SETDB2: variants seen among roughly 807,000 people sequenced by gnomAD.
The protein encoded by SETDB2 is histone-lysine N-methyltransferase SETDB2.
Under a neutral mutation model 82.5 loss-of-function variants are expected in SETDB2, and 56 were observed. The observed-to-expected ratio is 0.68, with a 90% CI of 0.55 to 0.85. SETDB2 has a LOEUF of 0.85. Ranked by LOEUF, SETDB2 falls within the 40% of genes least tolerant of loss-of-function variation. The probability of loss-of-function intolerance (pLI) is 0.00; values close to 1 mark genes in which losing one functional copy is unlikely to be tolerated. For missense variants in SETDB2, 677 were observed against 816.4 expected (o/e 0.83, Z 2.08); for synonymous variants, 272 against 284.9 (o/e 0.95, Z 0.46).
At chr13:49,478,782 G>A (rs1044042435) in intron 6 of SETDB2, among the ~76,000 whole-genome samples, 18 of 152,044 alleles carry the variant, frequency 1.2e-4, no homozygotes, top group Middle Eastern at 3.4e-3. Flanking sequence ...AAAAGTTAGC[G>A]TGGCGTGGTG....
chr13:49,467,977 TTTG>T lies in SETDB2; in HGVS notation c.305+20_305+22del. 6.6e-7 allele frequency: 1 copy of T among 1,526,704 alleles called. No homozygotes were observed. The highest frequency in any genetic ancestry group is 8.9e-7 in the Non-Finnish European group (1 of 1,121,056). 94.6% of individuals were successfully genotyped at this position (1,526,704 alleles called of 1,614,324 possible). On this transcript the variant is annotated intron_variant, in intron 5 of 13. Transcript: ENST00000611815. ...TACATTTCTGTATGTATATAAATTC[TTTG>T]TTATTAATGCTTTTGCTCCTACAGA...
chr13:49,447,407 T>C (rs1957710203), intron 1 of SETDB2, among the ~76,000 whole-genome samples: 1 of 152,152 alleles, frequency 6.6e-6, no homozygotes, highest in Non-Finnish European at 1.5e-5. Context: ...AGACTTCCAG[T>C]ACAGTATTGA....
chr13:49,463,201 G>T (rs1317600882), intron 4 of SETDB2, among the ~76,000 whole-genome samples: 1 of 151,936 alleles, frequency 6.6e-6, no homozygotes, highest in African/African-American at 2.4e-5. Flanking sequence ...AGTAGAGAGA[G>T]GGTTTCACCA....
At chr13:49,453,970 C>T (rs1957830713) in intron 2 of SETDB2, among the ~76,000 whole-genome samples, 2 of 152,194 alleles carry the variant, frequency 1.3e-5, no homozygotes, top group South Asian at 4.1e-4. Context: ...TGAAATTACG[C>T]TGATGTTTCC....
chr13:49,491,387 C>T (rs537997385), intron 13 of SETDB2, among the ~76,000 whole-genome samples: 27 of 152,156 alleles, frequency 1.8e-4, no homozygotes, highest in Admixed American at 6.5e-4. Flanking sequence ...TCACCCAGTT[C>T]CACTCGGGAT....
At chr13:49,475,148 A>T (rs1958329673) in intron 5 of SETDB2, among the ~76,000 whole-genome samples, 1 of 152,206 alleles carries the variant, frequency 6.6e-6, no homozygotes, top group African/African-American at 2.4e-5. Flanking sequence ...CATCTTACAT[A>T]GATGGTGACA....
chr13:49,487,417 C>G lies in SETDB2; in HGVS notation c.1577-873C>G, dbSNP rs552108600. ...GTGGTGGGATCATAGCTCACTGTAC[C>G]TTCCAATTCCTGGGCTCAAACAGTC... On this transcript the variant is annotated intron_variant, in intron 11 of 13. Transcript: ENST00000611815. 9.2e-5 allele frequency among the ~76,000 whole-genome samples: 14 copies of G among 152,230 alleles called. No homozygotes were observed. In the South Asian group the frequency reaches 2.9e-3, roughly 32 times the overall value.
Position 49,476,488 on chromosome 13 carries a change from T to C in SETDB2, c.318T>C (p.Asn106=). ...TTTATTTTAACAGAACAACAGAAAA[T>C]AAGGAAATTCTCTCTCTTGAAGATA... ...PEDCTFLTTE[N]KEILSLEDKV... The change falls in exon 6 of 14, where the codon AAT becomes AAC. Residue 106 remains asparagine, a synonymous_variant. Transcript: ENST00000611815. The C allele has an allele frequency of 1.3e-6, 2 of 1,566,118 alleles. No homozygotes were observed. The highest frequency in any genetic ancestry group is 1.7e-6 in the Non-Finnish European group (2 of 1,155,130).
chr13:49,471,936 T>TATATATATATATATATATATA (rs71664753), intron 5 of SETDB2, among the ~76,000 whole-genome samples: 29 of 95,808 alleles, frequency 3.0e-4, no homozygotes, highest in African/African-American at 1.6e-3. Flanking sequence ...ATATATATAT[T>TATATATATATATATATATATA]TTTTTTTTTT....
intron 1 of SETDB2, among the ~76,000 whole-genome samples, chr13:49,449,680 A>G (rs1465054795): frequency 6.6e-6 from 1 of 152,192 alleles, no homozygotes; most frequent in Non-Finnish European, 1.5e-5. Flanking sequence ...AGAAGTTAGC[A>G]TGCTTCTACT....
chr13:49,476,044 A>G lies in SETDB2; in HGVS notation c.306-432A>G, dbSNP rs1473560770. Among the ~76,000 whole-genome samples the G allele has an allele frequency of 8.5e-5, 13 of 152,188 alleles. 1 individual carries two copies. Among genetic ancestry groups the G allele is most frequent in the African/African-American group, 4.8e-5 (2 of 41,456 alleles). On this transcript the variant is annotated intron_variant, in intron 5 of 13. Transcript: ENST00000611815. Reference sequence around the variant, plus strand: ...ACCTTCTTCAGTGCTTTATTGATTCATGCTCTAAATGAACTCTAAATTTGC... The same window carrying G: ...ACCTTCTTCAGTGCTTTATTGATTCGTGCTCTAAATGAACTCTAAATTTGC...
intron 4 of SETDB2, chr13:49,464,108 G>A (rs553252086): frequency 1.3e-6 from 1 of 768,520 alleles, no homozygotes; most frequent in South Asian, 1.4e-5. Context: ...GGGAGGAGCA[G>A]AGGGGCACTT....
chr13:49,463,970 T>C, intron 4 of SETDB2: 1 of 715,598 alleles, frequency 1.4e-6, no homozygotes, highest in African/African-American at 1.7e-5. Context: ...ACAGGAAAGC[T>C]TATTTCTCTT....
chr13:49,466,188 C>T (rs1418226095), intron 4 of SETDB2, among the ~76,000 whole-genome samples: 1 of 152,014 alleles, frequency 6.6e-6, no homozygotes, highest in Non-Finnish European at 1.5e-5. Context: ...AATCCCAGAA[C>T]CTTGGAAGGC....
At chr13:49,461,425 A>T (rs1344931307) in intron 4 of SETDB2, among the ~76,000 whole-genome samples, 1 of 152,218 alleles carries the variant, frequency 6.6e-6, no homozygotes, top group Non-Finnish European at 1.5e-5. Context: ...AGACTTTCTT[A>T]TATAAAGAGG....
At chr13:49,474,281 C>A (rs952590996) in intron 5 of SETDB2, among the ~76,000 whole-genome samples, 22 of 151,954 alleles carry the variant, frequency 1.4e-4, no homozygotes, top group African/African-American at 5.1e-4. Flanking sequence ...AAAAAGATTT[C>A]TAAATAAATT....
chr13:49,465,237 G>A (rs74646704), intron 4 of SETDB2, among the ~76,000 whole-genome samples: 5,924 of 152,204 alleles, frequency 0.039, 413 homozygotes, highest in African/African-American at 0.13. Flanking sequence ...TCTTGATGTT[G>A]TGTAACTCTC....
At chr13:49,461,074 T>C (rs752785911) in intron 3 of SETDB2, 23 bp from the exon 4 acceptor site, 4 of 1,587,398 alleles carry the variant, frequency 2.5e-6, no homozygotes, top group Non-Finnish European at 3.5e-6. Context: ...GTAATGGTGA[T>C]GCTGTTTTTC....
chr13:49,482,615 A>G lies in SETDB2; in HGVS notation c.1157-122A>G. The G allele has an allele frequency of 1.3e-5, 9 of 671,076 alleles. No individual in the cohort carries two copies. In the South Asian group the frequency reaches 1.8e-4, roughly 14 times the overall value. 41.6% of individuals were successfully genotyped at this position (671,076 alleles called of 1,614,324 possible). On this transcript the variant is annotated intron_variant, in intron 8 of 13. Transcript: ENST00000611815. ...TGCAACAGTTTTGTAGGATGAGTTA[A>G]TGTGTTTATCTTCATTGTAGAATGT...
Sources: gnomAD v4.1 joint callset for allele counts (sites outside exome capture counted in the v4.1 genomes callset) on GRCh38, gnomAD v4.1.1 for gene constraint, MANE v1.5 for transcripts, NCBI Gene and HGNC (gene_info 2026-07-23, HGNC 2026-07-21) for gene names.